The following CRB1 variants were observed in gnomAD, a reference collection of about 807,000 sequenced individuals.
The protein encoded by CRB1 is crumbs cell polarity complex component 1.
In CRB1, 83 loss-of-function variants were observed where a neutral mutation model predicts 120.0. The observed-to-expected ratio is 0.69, with a 90% confidence interval of 0.58 to 0.83. The LOEUF (loss-of-function observed/expected upper bound fraction) is 0.83. Ranked by LOEUF, CRB1 falls within the 40% of genes least tolerant of loss-of-function variation. The probability of loss-of-function intolerance (pLI) is 0.00; values close to 1 mark genes in which losing one functional copy is unlikely to be tolerated. For missense variants in CRB1, 1,699 were observed against 1,687.6 expected (o/e 1.01, Z -0.12); for synonymous variants, 625 against 612.5 (o/e 1.02, Z -0.30).
chr1:197,334,907 C>A (rs927971340), intron 2 of CRB1, among the ~76,000 whole-genome samples: 16 of 152,030 alleles, frequency 1.1e-4, no homozygotes, highest in African/African-American at 3.9e-4. Flanking sequence ...GTCTATAAAA[C>A]AAGTAATAGA....
chr1:197,402,301 A>T lies in CRB1; in HGVS notation c.1172-18699A>T, dbSNP rs185697624. ...TTAGCTCTCACTTATATGTGAGAAC[A>T]TGCAGTATTTGGTTTTCTGTTCCTG... On this transcript the variant is annotated intron_variant, in intron 5 of 11. Coordinates refer to ENST00000367400, the MANE Select transcript of CRB1 (RefSeq NM_201253.3). Among the ~76,000 whole-genome samples the T allele has an allele frequency of 2.0e-5, 3 of 152,332 alleles. No individual in the cohort carries two copies. The East Asian group carries it at 5.8e-4, about 29-fold the overall frequency.
the CRB1 span, among the ~76,000 whole-genome samples, chr1:197,217,114 A>G: frequency 0.011 from 1,644 of 152,304 alleles, 26 homozygotes; most frequent in African/African-American, 0.037. Flanking sequence ...ATGAATGCCA[A>G]TAAACGCATG....
chr1:197,352,318 T>C (rs1222140393), intron 4 of CRB1, among the ~76,000 whole-genome samples: 1 of 152,212 alleles, frequency 6.6e-6, no homozygotes, highest in African/African-American at 2.4e-5. Context: ...GGCAAGACTA[T>C]AAATCAGAAT....
At chr1:197,447,267 C>A (rs966824942) in intron 11 of CRB1, among the ~76,000 whole-genome samples, 1 of 152,172 alleles carries the variant, frequency 6.6e-6, no homozygotes, top group Non-Finnish European at 1.5e-5. Flanking sequence ...CCTTCGATTC[C>A]TGAAGGCAGC....
chr1:197,371,795 G>A (rs1400912287), intron 5 of CRB1, among the ~76,000 whole-genome samples: 2 of 152,114 alleles, frequency 1.3e-5, no homozygotes, highest in African/African-American at 4.8e-5. Flanking sequence ...GGAATTCATC[G>A]CTTTTACGGT....
chr1:197,371,214 T>C (rs1242944715), intron 5 of CRB1, among the ~76,000 whole-genome samples: 1 of 152,160 alleles, frequency 6.6e-6, no homozygotes, highest in African/African-American at 2.4e-5. Flanking sequence ...ATTCTTTCTC[T>C]CTTCATTGTA....
intron 11 of CRB1, among the ~76,000 whole-genome samples, chr1:197,451,964 A>G (rs1292968546): frequency 6.6e-6 from 1 of 152,206 alleles, no homozygotes; most frequent in Non-Finnish European, 1.5e-5. Flanking sequence ...TGACAATTTA[A>G]TACGGTTAAA....
Position 197,421,506 on chromosome 1 carries a change from C to T in CRB1, c.1678C>T (p.His560Tyr), listed in dbSNP as rs759651069. Residue 560 changes from histidine (H) to tyrosine (Y), a missense_variant, in exon 6 of 12, where the codon CAC (histidine) becomes TAC (tyrosine). By Grantham distance (83) the His-to-Tyr change is moderately conservative. Transcript: ENST00000367400. ...GTCAAAGGTGCTTCTGTTCATTTCC[C>T]ACAACACCAGCGATGGAGAGTGGCA... ...NQSKVLLFISHNTSDGEWHFV... is the reference protein window; with the variant it reads ...NQSKVLLFISYNTSDGEWHFV... 1 of 1,614,202 alleles carries T rather than the reference C, an allele frequency of 6.2e-7. No homozygotes were observed.
intron 4 of CRB1, among the ~76,000 whole-genome samples, chr1:197,347,872 T>A (rs1199597868): frequency 3.3e-5 from 5 of 152,212 alleles, no homozygotes; most frequent in Admixed American, 6.5e-5. Context: ...CTCTTAGGCA[T>A]TTGTAAAGAG....
chr1:197,213,632 C>G, the CRB1 span, among the ~76,000 whole-genome samples: 1 of 152,050 alleles, frequency 6.6e-6, no homozygotes, highest in African/African-American at 2.4e-5. Flanking sequence ...ATACATTTGG[C>G]CACAAACAAA....
intron 4 of CRB1, among the ~76,000 whole-genome samples, chr1:197,355,006 C>A (rs1370165168): frequency 6.6e-6 from 1 of 151,892 alleles, no homozygotes; most frequent in Non-Finnish European, 1.5e-5. Flanking sequence ...GGTGTATTTA[C>A]AATCCCTTAG....
At chr1:197,476,821 A>T (rs1418697676) in intron 11 of CRB1, among the ~76,000 whole-genome samples, 1 of 152,202 alleles carries the variant, frequency 6.6e-6, no homozygotes, top group Non-Finnish European at 1.5e-5. Flanking sequence ...CTTTGAAAAA[A>T]TCAGTTTAAA....
intron 6 of CRB1, among the ~76,000 whole-genome samples, chr1:197,426,901 A>T (rs532372287): frequency 4.6e-5 from 7 of 152,332 alleles, no homozygotes; most frequent in Non-Finnish European, 1.0e-4. Flanking sequence ...CCTAAATCAC[A>T]TGTTAATAGC....
chr1:197,428,757 A>G (rs1358148935), intron 7 of CRB1, among the ~76,000 whole-genome samples: 1 of 152,234 alleles, frequency 6.6e-6, no homozygotes, highest in Non-Finnish European at 1.5e-5. Flanking sequence ...TACTGTGGAA[A>G]GCAAGCATTA....
chr1:197,225,104 AT>A, the CRB1 span, among the ~76,000 whole-genome samples: 3 of 151,894 alleles, frequency 2.0e-5, no homozygotes, highest in Admixed American at 2.0e-4. Context: ...CATTTTCTCC[AT>A]TTCACAGATG....
chr1:197,423,753 G>A (rs1355901320), intron 6 of CRB1, among the ~76,000 whole-genome samples: 1 of 152,066 alleles, frequency 6.6e-6, no homozygotes, highest in Non-Finnish European at 1.5e-5. Flanking sequence ...TTCCAACCAT[G>A]GTATACATTT....
the CRB1 span, chr1:197,222,931 T>G: frequency 1.0e-6 from 1 of 990,658 alleles, no homozygotes; most frequent in East Asian, 2.4e-5. Context: ...AAAATCCTGT[T>G]GACGCTCTGC....
intron 5 of CRB1, among the ~76,000 whole-genome samples, chr1:197,407,574 T>C (rs1663480601): frequency 6.6e-6 from 1 of 152,166 alleles, no homozygotes; most frequent in South Asian, 2.1e-4. Flanking sequence ...TTTGTTGAAA[T>C]TTTAGACCAG....
the CRB1 span, among the ~76,000 whole-genome samples, chr1:197,246,424 A>G: frequency 6.6e-6 from 1 of 151,916 alleles, no homozygotes; most frequent in Non-Finnish European, 1.5e-5. Flanking sequence ...TTCAGCTCCA[A>G]GTCTGAGATA....
Sources: gnomAD v4.1 joint callset for allele counts (sites outside exome capture counted in the v4.1 genomes callset) on GRCh38, gnomAD v4.1.1 for gene constraint, MANE v1.5 for transcripts, NCBI Gene and HGNC (gene_info 2026-07-23, HGNC 2026-07-21) for gene names.